The following PIK3AP1 variants were observed in gnomAD, a reference collection of about 807,000 sequenced individuals.
PIK3AP1 encodes phosphoinositide-3-kinase adaptor protein 1.
A neutral mutation model predicts 88.1 loss-of-function variants in PIK3AP1; 21 were observed. That is an observed-to-expected ratio of 0.24 (90% CI 0.17 to 0.34). PIK3AP1 has a LOEUF of 0.34. Among genes scored for constraint, PIK3AP1 ranks in the 10% least tolerant of loss-of-function variants. The pLI is 1.00. For synonymous variants in PIK3AP1, 398 were observed against 400.0 expected (o/e 1.00, Z 0.06); for missense variants, 828 against 1,035.7 (o/e 0.80, Z 2.75).
intron 2 of PIK3AP1, among the ~76,000 whole-genome samples, chr10:96,687,071 A>T (rs373461428): frequency 6.6e-6 from 1 of 151,848 alleles, no homozygotes; most frequent in Non-Finnish European, 1.5e-5. Context: ...CCTGGCTAAT[A>T]CGGTGAAACC....
chr10:96,642,438 A>C (rs12259823), intron 8 of PIK3AP1, among the ~76,000 whole-genome samples: 35,925 of 138,796 alleles, frequency 0.26, 4,309 homozygotes, highest in East Asian at 0.42. Context: ...AAAAAAAAAA[A>C]AAAAACAGAA....
chr10:96,701,015 A>C, intron 2 of PIK3AP1: 8 of 320,412 alleles, frequency 2.5e-5, no homozygotes, highest in Non-Finnish European at 3.6e-5. Flanking sequence ...CAAAAACCGA[A>C]AGACAAGACA....
chr10:96,597,550 G>A (rs931610087), intron 16 of PIK3AP1, among the ~76,000 whole-genome samples: 3 of 152,010 alleles, frequency 2.0e-5, no homozygotes, highest in Non-Finnish European at 4.4e-5. Flanking sequence ...ATTTGGTAAG[G>A]GAGGTTCAGA....
chr10:96,719,348 G>C (rs555489882), intron 1 of PIK3AP1, among the ~76,000 whole-genome samples: 10 of 152,094 alleles, frequency 6.6e-5, no homozygotes, highest in Non-Finnish European at 1.2e-4. Flanking sequence ...GCCTTCTCCT[G>C]GCCACCTAGA....
intron 2 of PIK3AP1, among the ~76,000 whole-genome samples, chr10:96,686,458 A>G (rs903875833): frequency 3.9e-5 from 6 of 152,224 alleles, no homozygotes; most frequent in African/African-American, 1.4e-4. Flanking sequence ...ACCGCAAATG[A>G]GCTCCACAGG....
chr10:96,694,570 G>A (rs1030014034), intron 2 of PIK3AP1, among the ~76,000 whole-genome samples: 51 of 126,192 alleles, frequency 4.0e-4, no homozygotes, highest in African/African-American at 1.5e-3. Context: ...GTCTCCCTCT[G>A]TTGCCTAGGC....
At chr10:96,643,607 C>A (rs1218760893) in intron 8 of PIK3AP1, among the ~76,000 whole-genome samples, 2 of 152,180 alleles carry the variant, frequency 1.3e-5, no homozygotes, top group Non-Finnish European at 2.9e-5. Context: ...TAAAGGAGCA[C>A]CCAATCTGAA....
At chr10:96,600,149 T>C (rs1329556746) in intron 16 of PIK3AP1, among the ~76,000 whole-genome samples, 1 of 152,202 alleles carries the variant, frequency 6.6e-6, no homozygotes, top group Non-Finnish European at 1.5e-5. Flanking sequence ...TGGAGAGGTA[T>C]AAAACAATGC....
At chr10:96,686,126 C>G (rs2134268169) in intron 2 of PIK3AP1, among the ~76,000 whole-genome samples, 1 of 152,264 alleles carries the variant, frequency 6.6e-6, no homozygotes, top group Non-Finnish European at 1.5e-5. Flanking sequence ...TTTTCCTTCA[C>G]AATTCAGGAT....
intron 8 of PIK3AP1, among the ~76,000 whole-genome samples, chr10:96,629,933 G>GAAA (rs1843221980): frequency 1.1e-4 from 4 of 37,542 alleles, no homozygotes; most frequent in Non-Finnish European, 2.4e-4. Flanking sequence ...AAAAAAAAAA[G>GAAA]AAGAAGAAGA....
intron 16 of PIK3AP1, among the ~76,000 whole-genome samples, chr10:96,597,742 A>T (rs1000809658): frequency 6.6e-6 from 1 of 152,174 alleles, no homozygotes; most frequent in Non-Finnish European, 1.5e-5. Context: ...GAGTAGGCAC[A>T]CAACAAGTAA....
chr10:96,602,928 G>C (rs1387298605), intron 15 of PIK3AP1, among the ~76,000 whole-genome samples: 2 of 152,172 alleles, frequency 1.3e-5, no homozygotes, highest in Non-Finnish European at 2.9e-5. Context: ...AAAGAAAGCG[G>C]ATGTGCACAG....
chr10:96,702,998 T>C (rs1844319085), intron 2 of PIK3AP1, among the ~76,000 whole-genome samples: 1 of 152,040 alleles, frequency 6.6e-6, no homozygotes, highest in Non-Finnish European at 1.5e-5. Context: ...CACCTCAGCC[T>C]CTCCGGTAGC....
intron 8 of PIK3AP1, among the ~76,000 whole-genome samples, chr10:96,637,552 G>C (rs146028007): frequency 6.6e-6 from 1 of 152,086 alleles, no homozygotes; most frequent in Non-Finnish European, 1.5e-5. Flanking sequence ...TTTTCGCCAT[G>C]TTGCCCAGGC....
chr10:96,648,681 C>T lies in PIK3AP1; in HGVS notation c.1163G>A (p.Arg388Gln), dbSNP rs746829258. 1.2e-6 allele frequency: 2 copies of T among 1,608,854 alleles called. No individual in the cohort carries two copies. Among genetic ancestry groups the T allele is most frequent in the South Asian group, 1.1e-5 (1 of 89,894 alleles). The change falls in exon 7 of 17, where the codon CGG (arginine) becomes CAG (glutamine). Residue 388 changes from arginine to glutamine, a missense_variant. Physicochemically the swap from Arg to Gln is conservative, Grantham distance 43. Coordinates refer to ENST00000339364, the MANE Select transcript of PIK3AP1 (RefSeq NM_152309.3). ...IAEKHGFRDL[R>Q]QFIDEYVETV... ...TACCACATACTCGTCGATGAACTGC[C>T]GCAGGTCCCTGAAGCCGTGTTTCTC... is the stretch of plus-strand genomic sequence containing the variant.
chr10:96,630,654 C>G (rs10882832), intron 8 of PIK3AP1, among the ~76,000 whole-genome samples: 142,211 of 151,498 alleles, frequency 0.94, 67,365 homozygotes, highest in East Asian at 1. Flanking sequence ...GGACAACACA[C>G]AGAAACCCTG....
At chr10:96,650,052 T>C (rs1053586698) in intron 6 of PIK3AP1, among the ~76,000 whole-genome samples, 1 of 152,242 alleles carries the variant, frequency 6.6e-6, no homozygotes, top group Non-Finnish European at 1.5e-5. Flanking sequence ...AAATATGACC[T>C]TGGAATGAAG....
intron 2 of PIK3AP1, among the ~76,000 whole-genome samples, chr10:96,674,557 T>A (rs554643930): frequency 6.6e-6 from 1 of 152,354 alleles, no homozygotes; most frequent in African/African-American, 2.4e-5. Context: ...GAGAACAGAT[T>A]TCCTGACATT....
chr10:96,613,562 G>T (rs1005619073), intron 13 of PIK3AP1, among the ~76,000 whole-genome samples: 3 of 152,128 alleles, frequency 2.0e-5, no homozygotes, highest in African/African-American at 7.2e-5. Flanking sequence ...CTTGTCAGAG[G>T]GTCTGCTTCT....
Sources: allele counts gnomAD v4.1 joint callset (sites outside exome capture counted in the v4.1 genomes callset), GRCh38; gene constraint gnomAD v4.1.1; transcripts MANE v1.5; gene names NCBI Gene and HGNC (gene_info 2026-07-23, HGNC 2026-07-21).